Variants in SLC14A2 observed in about 807,000 individuals in gnomAD.
The protein encoded by SLC14A2 is solute carrier family 14 member 2.
Under a neutral mutation model 104.6 loss-of-function variants are expected in SLC14A2, and 91 were observed. That is an observed-to-expected ratio of 0.87 (90% confidence interval 0.73 to 1.04). The LOEUF (loss-of-function observed/expected upper bound fraction) is 1.04, where lower values mean the gene tolerates loss of function less well. SLC14A2 is among the 50% of genes least tolerant of loss of function. SLC14A2 has a pLI of 0.00. For missense variants in SLC14A2, 1,189 were observed against 1,156.0 expected, an observed-to-expected ratio of 1.03 and a Z score of -0.41; for synonymous variants, 476 against 466.4, an observed-to-expected ratio of 1.02 and a Z score of -0.27.
At chr18:45,676,185 T>A (rs1418256448) in intron 18 of SLC14A2, among the ~76,000 whole-genome samples, 1 of 152,184 alleles carries the variant, frequency 6.6e-6, no homozygotes, top group African/African-American at 2.4e-5. Context: ...AAATTAAAAG[T>A]CTGAATGCTA....
At chr18:45,331,103 A>G (rs1246342374) in intron 1 of SLC14A2, among the ~76,000 whole-genome samples, 4 of 152,222 alleles carry the variant, frequency 2.6e-5, no homozygotes, top group Non-Finnish European at 1.5e-5. Context: ...TTGGAGACAT[A>G]TATGACACCA....
At chr18:45,252,396 T>A (rs2144078757) in intron 1 of SLC14A2, among the ~76,000 whole-genome samples, 1 of 152,320 alleles carries the variant, frequency 6.6e-6, no homozygotes, top group Non-Finnish European at 1.5e-5. Context: ...AAGAGGGGTG[T>A]CCCTCAGGGT....
chr18:45,456,928 C>T (rs2612548), intron 1 of SLC14A2, among the ~76,000 whole-genome samples: 129,028 of 152,032 alleles, frequency 0.85, 54,761 homozygotes, highest in South Asian at 0.93. Context: ...AGGAAATGCT[C>T]TATTATTCCA....
chr18:45,470,864 C>A (rs1209301477), intron 1 of SLC14A2, among the ~76,000 whole-genome samples: 1 of 152,076 alleles, frequency 6.6e-6, no homozygotes, highest in Non-Finnish European at 1.5e-5. Context: ...AAGTGGTAAC[C>A]TTTGACCCTT....
At chr18:45,506,725 G>T (rs2043292690) in intron 2 of SLC14A2, among the ~76,000 whole-genome samples, 2 of 152,202 alleles carry the variant, frequency 1.3e-5, no homozygotes, top group South Asian at 4.1e-4. Flanking sequence ...CACCTTAGTT[G>T]TGGATTTCTA....
chr18:45,571,258 A>ATTCT (rs1194421903), intron 2 of SLC14A2, among the ~76,000 whole-genome samples: 3 of 152,264 alleles, frequency 2.0e-5, no homozygotes, highest in African/African-American at 4.8e-5. Flanking sequence ...TATTTAATAA[A>ATTCT]TTCTTTGTGC....
At chr18:45,423,565 G>A (rs1389979637) in intron 1 of SLC14A2, among the ~76,000 whole-genome samples, 2 of 152,150 alleles carry the variant, frequency 1.3e-5, no homozygotes, top group East Asian at 3.8e-4. Context: ...TATTTTATGG[G>A]TGAAGACAAT....
chr18:45,299,493 T>C (rs2084947808), intron 1 of SLC14A2, among the ~76,000 whole-genome samples: 14 of 152,172 alleles, frequency 9.2e-5, no homozygotes, highest in Admixed American at 9.2e-4. Flanking sequence ...ATGGAGTCTT[T>C]CTTTGTCACC....
chr18:45,650,484 T>A, intron 10 of SLC14A2, among the ~76,000 whole-genome samples: 1 of 152,180 alleles, frequency 6.6e-6, no homozygotes, highest in African/African-American at 2.4e-5. Flanking sequence ...TGAGAAACTC[T>A]GTCTGCCTCA....
intron 1 of SLC14A2, among the ~76,000 whole-genome samples, chr18:45,285,044 TG>T (rs919406791): frequency 6.6e-6 from 1 of 152,008 alleles, no homozygotes; most frequent in African/African-American, 2.4e-5. Context: ...AAAAAAAAAT[TG>T]CAAAATTAGT....
intron 2 of SLC14A2, among the ~76,000 whole-genome samples, chr18:45,583,405 T>TTTATC (rs1157021174): frequency 6.6e-6 from 1 of 152,254 alleles, no homozygotes; most frequent in East Asian, 1.9e-4. Context: ...GGGTTTCATT[T>TTTATC]TTATCTTTGC....
chr18:45,288,524 A>G (rs1245321148), intron 1 of SLC14A2, among the ~76,000 whole-genome samples: 8 of 152,270 alleles, frequency 5.3e-5, no homozygotes, highest in Non-Finnish European at 1.0e-4. Flanking sequence ...TTCTGGATAG[A>G]GGTGGGACAA....
chr18:45,663,648 T>TG (rs1477519388), intron 10 of SLC14A2, 137 bp from the exon 11 acceptor site: 2 of 875,960 alleles, frequency 2.3e-6, no homozygotes, highest in African/African-American at 3.4e-5. Context: ...CAGAGACTGA[T>TG]GCAATGACTA....
At chr18:45,656,771 T>G (rs2045845115) in intron 10 of SLC14A2, among the ~76,000 whole-genome samples, 1 of 152,164 alleles carries the variant, frequency 6.6e-6, no homozygotes, top group Non-Finnish European at 1.5e-5. Flanking sequence ...ATTAACGTCT[T>G]CCCCATGGAA....
At position 45,523,157 on chromosome 18, in the gene SLC14A2, TTAAA is replaced by T. The variant is rs140556495; in HGVS notation, c.-35+39840_-35+39843del. Among the ~76,000 whole-genome samples the T allele has an allele frequency of 3.7e-4, 55 of 149,712 alleles. No homozygotes were observed. In the East Asian group the frequency reaches 9.7e-3, roughly 27 times the overall value. On this transcript the variant is annotated intron_variant, in intron 2 of 20. Coordinates refer to the SLC14A2 transcript ENST00000586448. ...GTTTACACTCAATTTGAGAAAAGGA[TTAAA>T]TAAACAAAGGAGGGAAATGCCAAGA...
chr18:45,504,492 C>T (rs1323102433), intron 2 of SLC14A2, among the ~76,000 whole-genome samples: 1 of 152,194 alleles, frequency 6.6e-6, no homozygotes, highest in African/African-American at 2.4e-5. Context: ...TGTTCCCATC[C>T]AGAACCTTCC....
chr18:45,494,587 C>A (rs7226561), intron 2 of SLC14A2, among the ~76,000 whole-genome samples: 81,948 of 151,416 alleles, frequency 0.54, 22,266 homozygotes, highest in Middle Eastern at 0.61. Context: ...TTTTAAATAG[C>A]GACAGGGTCT....
intron 1 of SLC14A2, among the ~76,000 whole-genome samples, chr18:45,479,957 A>G (rs544106859): frequency 6.6e-6 from 1 of 152,284 alleles, no homozygotes; most frequent in East Asian, 1.9e-4. Flanking sequence ...GAGGGTCTTC[A>G]TCATGGGTGT....
intron 1 of SLC14A2, among the ~76,000 whole-genome samples, chr18:45,371,856 G>T (rs184713318): frequency 4.6e-5 from 7 of 152,236 alleles, no homozygotes. Flanking sequence ...TAAATTCATT[G>T]ACGAGTATGT....
Sources: gnomAD v4.1 joint callset for allele counts (sites outside exome capture counted in the v4.1 genomes callset) on GRCh38, gnomAD v4.1.1 for gene constraint, MANE v1.5 for transcripts, NCBI Gene and HGNC (gene_info 2026-07-23, HGNC 2026-07-21) for gene names.